MARCHF1: variants seen among roughly 807,000 people sequenced by gnomAD.
MARCHF1 encodes the protein E3 ubiquitin-protein ligase MARCHF1.
MARCHF1 carries 40 observed loss-of-function variants against 54.2 expected under a neutral mutation model. The ratio of observed to expected loss-of-function variants is 0.74; its 90% CI spans 0.57 to 0.96. MARCHF1 has a LOEUF of 0.96. Among genes scored for constraint, MARCHF1 ranks in the 40% least tolerant of loss-of-function variants. MARCHF1 has a pLI of 0.00. For synonymous variants in MARCHF1, 236 were observed against 236.3 expected (o/e 1.00, Z 0.01); for missense variants, 586 against 656.5 (o/e 0.89, Z 1.17).
At chr4:163,791,860 T>C (rs1329460362) in intron 4 of MARCHF1, among the ~76,000 whole-genome samples, 2 of 152,178 alleles carry the variant, frequency 1.3e-5, no homozygotes, top group African/African-American at 2.4e-5. Context: ...TTTGCTTACA[T>C]AGCCCACTAG....
intron 1 of MARCHF1, among the ~76,000 whole-genome samples, chr4:164,360,688 G>T (rs1456937912): frequency 6.6e-6 from 1 of 152,050 alleles, no homozygotes; most frequent in Non-Finnish European, 1.5e-5. Flanking sequence ...CCATGGATAT[G>T]CTTGGAGAAA....
intron 5 of MARCHF1, among the ~76,000 whole-genome samples, chr4:163,614,431 G>A (rs1246667051): frequency 6.6e-6 from 1 of 152,110 alleles, no homozygotes; most frequent in Non-Finnish European, 1.5e-5. Flanking sequence ...GCTCCACTAT[G>A]GGTGGAGATC....
In MARCHF1 at chr4:164,132,594, T is replaced by C. The variant is rs578230275; in HGVS notation, c.-322-20932A>G. The stretch of plus-strand genomic sequence containing the variant: ...TTCTGGCTATTTTAAGCGCACATTT[T>C]TCCCCCTGCAATCTGTGTTGGATTC... On this transcript the variant is annotated intron_variant, in intron 1 of 9. Transcript: ENST00000514618. 4.6e-5 allele frequency among the ~76,000 whole-genome samples: 7 copies of C among 152,264 alleles called. No homozygotes were observed. The South Asian group carries it at 6.2e-4, about 13-fold the overall frequency.
At position 164,199,681 on chromosome 4, in the gene MARCHF1, C is replaced by CACACACAGAGAG. The variant is rs1462208986; in HGVS notation, c.-322-88020_-322-88019insCTCTCTGTGTGT. 1.0e-3 allele frequency among the ~76,000 whole-genome samples: 49 copies of CACACACAGAGAG among 47,652 alleles called. 1 individual carries two copies. Among genetic ancestry groups the CACACACAGAGAG allele is most frequent in the East Asian group, 2.9e-3 (5 of 1,754 alleles). 31.3% of individuals were successfully genotyped at this position (47,652 alleles called of 152,430 possible). ...ACACACACACACACACACACACACA[C>CACACACAGAGAG]AGAGAGAGAGAGAGAGAGAGAGAGA... On this transcript the variant is annotated intron_variant, in intron 1 of 9. Coordinates refer to ENST00000514618, the MANE Select transcript of MARCHF1 (RefSeq NM_001394959.1).
chr4:164,241,981 CCA>C (rs1732777260), intron 1 of MARCHF1, among the ~76,000 whole-genome samples: 1 of 152,200 alleles, frequency 6.6e-6, no homozygotes, highest in Non-Finnish European at 1.5e-5. Flanking sequence ...GGTCCTATGC[CCA>C]CGGAGACTCA....
chr4:163,977,704 C>T (rs760529142), intron 3 of MARCHF1, among the ~76,000 whole-genome samples: 6 of 152,120 alleles, frequency 3.9e-5, no homozygotes, highest in African/African-American at 9.7e-5. Context: ...AGTTGAAGAA[C>T]ATTTTAAGTG....
intron 1 of MARCHF1, among the ~76,000 whole-genome samples, chr4:164,199,121 T>C (rs912108551): frequency 6.6e-6 from 1 of 152,134 alleles, no homozygotes; most frequent in Non-Finnish European, 1.5e-5. Context: ...AACCCACACA[T>C]AGCAAGAACA....
intron 1 of MARCHF1, among the ~76,000 whole-genome samples, chr4:164,148,642 TTGTTA>T (rs1354195170): frequency 6.6e-6 from 1 of 152,138 alleles, no homozygotes; most frequent in African/African-American, 2.4e-5. Flanking sequence ...ATAAAATTTA[TTGTTA>T]TAAGAAAAAT....
chr4:163,597,250 G>A (rs1200567991), intron 7 of MARCHF1, among the ~76,000 whole-genome samples: 2 of 152,094 alleles, frequency 1.3e-5, no homozygotes, highest in African/African-American at 2.4e-5. Context: ...GAACCACCAC[G>A]CCTGGCCCTT....
chr4:163,852,105 T>G (rs1401802254), intron 4 of MARCHF1, among the ~76,000 whole-genome samples: 1 of 152,272 alleles, frequency 6.6e-6, no homozygotes, highest in African/African-American at 2.4e-5. Context: ...TATTTAAATG[T>G]GAAGAAAATG....
chr4:164,109,933 A>G (rs1453429644), intron 2 of MARCHF1, among the ~76,000 whole-genome samples: 4 of 150,086 alleles, frequency 2.7e-5, no homozygotes, highest in Admixed American at 6.7e-5. Flanking sequence ...AAAAAAAAAA[A>G]AAAGAAAATG....
chr4:164,283,631 T>C (rs1199108044), intron 1 of MARCHF1, among the ~76,000 whole-genome samples: 1 of 150,956 alleles, frequency 6.6e-6, no homozygotes, highest in Non-Finnish European at 1.5e-5. Flanking sequence ...CTCATCAGAA[T>C]GCGTGTACTC....
intron 8 of MARCHF1, among the ~76,000 whole-genome samples, chr4:163,560,787 A>G (rs989778149): frequency 2.6e-5 from 4 of 152,182 alleles, no homozygotes; most frequent in Non-Finnish European, 5.9e-5. Flanking sequence ...TGCTATTGCA[A>G]ATAATATTTT....
chr4:164,364,026 G>A (rs752673071), intron 1 of MARCHF1, among the ~76,000 whole-genome samples: 4 of 151,910 alleles, frequency 2.6e-5, no homozygotes, highest in South Asian at 4.1e-4. Context: ...CCATTATTTA[G>A]ATTTTATCAT....
intron 3 of MARCHF1, among the ~76,000 whole-genome samples, chr4:163,894,662 CATGTG>C (rs1750745489): frequency 6.6e-4 from 1 of 1,508 alleles, no homozygotes; most frequent in Non-Finnish European, 1.7e-3. Flanking sequence ...CATATATATG[CATGTG>C]ATGCATATAT....
chr4:163,665,067 TA>T (rs775856787), intron 5 of MARCHF1, among the ~76,000 whole-genome samples: 1 of 152,086 alleles, frequency 6.6e-6, no homozygotes. Flanking sequence ...ACAAAGGTTG[TA>T]ATTCCGCTGG....
intron 4 of MARCHF1, among the ~76,000 whole-genome samples, chr4:163,810,061 A>G (rs1224791801): frequency 6.6e-6 from 1 of 152,160 alleles, no homozygotes; most frequent in Non-Finnish European, 1.5e-5. Flanking sequence ...GACCACCAAG[A>G]TACAACTGGG....
chr4:164,218,302 A>C (rs1731990007), intron 1 of MARCHF1, among the ~76,000 whole-genome samples: 1 of 152,062 alleles, frequency 6.6e-6, no homozygotes, highest in South Asian at 2.1e-4. Context: ...TGAGTATTGA[A>C]ACTTAAGTGG....
intron 1 of MARCHF1, among the ~76,000 whole-genome samples, chr4:164,313,934 A>G (rs1177970761): frequency 1.3e-5 from 2 of 152,162 alleles, no homozygotes; most frequent in African/African-American, 4.8e-5. Context: ...TTATCTGCCT[A>G]AAAGAAAACA....
Sources: allele counts gnomAD v4.1 joint callset (sites outside exome capture counted in the v4.1 genomes callset), GRCh38; gene constraint gnomAD v4.1.1; transcripts MANE v1.5; gene names NCBI Gene and HGNC (gene_info 2026-07-23, HGNC 2026-07-21).